RABGEF1: variants seen among roughly 807,000 people sequenced by gnomAD.
The protein encoded by RABGEF1 is rab5 GDP/GTP exchange factor.
RABGEF1 carries 26 observed loss-of-function variants against 57.3 expected under a neutral mutation model. That is an observed-to-expected ratio of 0.45 (90% CI 0.33 to 0.63). The LOEUF is 0.63. RABGEF1 is among the 20% of genes least tolerant of loss of function. The pLI, the probability that RABGEF1 is intolerant of heterozygous loss-of-function variation, is 0.02. For synonymous variants in RABGEF1, 185 were observed against 210.7 expected, an observed-to-expected ratio of 0.88 and a Z score of 1.06; for missense variants, 464 against 607.6, an observed-to-expected ratio of 0.76 and a Z score of 2.48.
At position 66,796,731 on chromosome 7, in the gene RABGEF1, C is replaced by T. The variant is rs1296488339; in HGVS notation, c.596-643C>T. Reference sequence around the variant, plus strand: ...CTCAGCCCCCGAGTGGCTGGGATTACAGGTGCGTGCCACCACACCCAGCTA... The same window carrying T: ...CTCAGCCCCCGAGTGGCTGGGATTATAGGTGCGTGCCACCACACCCAGCTA... On this transcript the variant is annotated intron_variant, in intron 5 of 8. Coordinates refer to ENST00000284957, the MANE Select transcript of RABGEF1 (RefSeq NM_014504.3). 9.6e-6 allele frequency: 3 copies of T among 311,284 alleles called. No individual in the cohort carries two copies. In the East Asian group the frequency reaches 3.7e-4, roughly 39 times the overall value. 19.3% of individuals were successfully genotyped at this position (311,284 alleles called of 1,614,324 possible).
intron 5 of RABGEF1, chr7:66,796,829 G>A (rs1489322628): frequency 4.2e-5 from 17 of 401,752 alleles, no homozygotes; most frequent in Admixed American, 9.8e-5. Context: ...GACCTCAGGC[G>A]ATCCACCTGC....
intron 1 of RABGEF1, among the ~76,000 whole-genome samples, chr7:66,748,510 G>T (rs1800738564): frequency 6.6e-6 from 1 of 152,220 alleles, no homozygotes; most frequent in Non-Finnish European, 1.5e-5. Flanking sequence ...TATCGTGGGG[G>T]TATCACGATG....
At chr7:66,788,652 T>C (rs1394522559) in intron 4 of RABGEF1, among the ~76,000 whole-genome samples, 1 of 152,162 alleles carries the variant, frequency 6.6e-6, no homozygotes, top group African/African-American at 2.4e-5. Context: ...CTTTTGCTTG[T>C]TTCATTGTTA....
At chr7:66,690,100 C>CT (rs892888858) in intron 1 of RABGEF1, among the ~76,000 whole-genome samples, 4,080 of 124,212 alleles carry the variant, frequency 0.033, 108 homozygotes, top group Middle Eastern at 0.045. Context: ...ATAAAAAATT[C>CT]TTTTTTTTTT....
intron 1 of RABGEF1, among the ~76,000 whole-genome samples, chr7:66,766,662 C>T (rs1319404548): frequency 1.3e-5 from 2 of 152,010 alleles, no homozygotes; most frequent in African/African-American, 2.4e-5. Flanking sequence ...AAGATCTGAT[C>T]TCTAAGGTAG....
upstream of RABGEF1, among the ~76,000 whole-genome samples, chr7:66,738,030 T>TTTTTTTTTTTTTTG (rs1562756395): frequency 3.4e-5 from 5 of 146,886 alleles, no homozygotes; most frequent in South Asian, 2.1e-4. Flanking sequence ...TTTGTTTTTT[T>TTTTTTTTTTTTTTG]TTTTTTTTGA....
chr7:66,732,055 G>C (rs776333330), intron 2 of RABGEF1, among the ~76,000 whole-genome samples: 14 of 152,196 alleles, frequency 9.2e-5, no homozygotes, highest in Non-Finnish European at 1.9e-4. Context: ...AGGGCTGCCA[G>C]CCACCCCCAG....
intron 2 of RABGEF1, among the ~76,000 whole-genome samples, chr7:66,734,463 T>C (rs770536905): frequency 2.6e-5 from 4 of 152,158 alleles, no homozygotes; most frequent in Admixed American, 6.5e-5. Context: ...ATTTGTATTT[T>C]TGTATTTTTT....
intron 1 of RABGEF1, among the ~76,000 whole-genome samples, chr7:66,698,854 G>A (rs1264612893): frequency 1.3e-5 from 2 of 152,138 alleles, no homozygotes. Context: ...TCTAACCTCG[G>A]TTTTCCTCAT....
At chr7:66,764,539 C>T (rs1805224974) in intron 1 of RABGEF1, among the ~76,000 whole-genome samples, 1 of 152,210 alleles carries the variant, frequency 6.6e-6, no homozygotes, top group South Asian at 2.1e-4. Context: ...AATCCAATAT[C>T]ATGAAAATTT....
chr7:66,726,865 G>A (rs1198798046), intron 2 of RABGEF1, among the ~76,000 whole-genome samples: 2 of 152,068 alleles, frequency 1.3e-5, no homozygotes, highest in South Asian at 2.1e-4. Flanking sequence ...TTAGCTGGGT[G>A]TGGTGGCATG....
At chr7:66,663,718 A>G in the RABGEF1 span, among the ~76,000 whole-genome samples, 1 of 152,094 alleles carries the variant, frequency 6.6e-6, no homozygotes, top group East Asian at 1.9e-4. Flanking sequence ...TTGTGCACAT[A>G]TACCCTAAAA....
chr7:66,748,854 A>C (rs182655988), intron 1 of RABGEF1: 42 of 222,902 alleles, frequency 1.9e-4, no homozygotes, highest in Non-Finnish European at 3.4e-4. Context: ...TCTGTTTGCA[A>C]GTCTGCACTG....
intron 2 of RABGEF1, among the ~76,000 whole-genome samples, chr7:66,725,589 G>A (rs540823099): frequency 7.9e-5 from 12 of 152,254 alleles, no homozygotes; most frequent in Non-Finnish European, 1.8e-4. Flanking sequence ...CGTGAATATT[G>A]TGATGTTATG....
the RABGEF1 span, among the ~76,000 whole-genome samples, chr7:66,664,177 G>A: frequency 6.6e-6 from 1 of 152,246 alleles, no homozygotes; most frequent in South Asian, 2.1e-4. Flanking sequence ...AAAGGTCATC[G>A]GTGAACCTGA....
At chr7:66,695,299 G>C (rs769116881) in intron 1 of RABGEF1, among the ~76,000 whole-genome samples, 1 of 151,972 alleles carries the variant, frequency 6.6e-6, no homozygotes, top group Non-Finnish European at 1.5e-5. Context: ...GCAGCAGAGC[G>C]AGACCCTGTC....
At chr7:66,806,203 A>G (rs1315849439) in intron 8 of RABGEF1, among the ~76,000 whole-genome samples, 1 of 152,148 alleles carries the variant, frequency 6.6e-6, no homozygotes, top group African/African-American at 2.4e-5. Context: ...GCCAGGATGC[A>G]TTGCGAGTAT....
the RABGEF1 span, among the ~76,000 whole-genome samples, chr7:66,663,748 TAAATAAAAATAAAA>T: frequency 3.8e-4 from 57 of 151,442 alleles, no homozygotes; most frequent in South Asian, 8.3e-4. Flanking sequence ...TAATAATAAA[TAAATAAAAATAAAA>T]AAATAAAAAT....
intron 2 of RABGEF1, among the ~76,000 whole-genome samples, chr7:66,719,891 T>G (rs73137960): frequency 0.088 from 13,356 of 152,214 alleles, 745 homozygotes; most frequent in Non-Finnish European, 0.11. Flanking sequence ...TTACTGACTT[T>G]ACAGAACAAG....
Sources: gnomAD v4.1 joint callset for allele counts (sites outside exome capture counted in the v4.1 genomes callset) on GRCh38, gnomAD v4.1.1 for gene constraint, MANE v1.5 for transcripts, NCBI Gene and HGNC (gene_info 2026-07-23, HGNC 2026-07-21) for gene names.